Variants in RPS6KC1 observed in about 807,000 individuals in gnomAD.
The protein encoded by RPS6KC1 is ribosomal protein S6 kinase C1, also known as inactive ribosomal protein S6 kinase delta-1.
Under a neutral mutation model 103.8 loss-of-function variants are expected in RPS6KC1, and 54 were observed. The ratio of observed to expected loss-of-function variants is 0.52; its 90% CI spans 0.42 to 0.65. RPS6KC1 has a LOEUF of 0.65. Among genes scored for constraint, RPS6KC1 ranks in the 30% least tolerant of loss-of-function variants. The probability of loss-of-function intolerance (pLI) is 0.00; values close to 1 mark genes in which losing one functional copy is unlikely to be tolerated. For missense variants in RPS6KC1, 1,151 were observed against 1,253.8 expected, an observed-to-expected ratio of 0.92 and a Z score of 1.24; for synonymous variants, 439 against 438.7, an observed-to-expected ratio of 1.00 and a Z score of -0.01.
the RPS6KC1 span, among the ~76,000 whole-genome samples, chr1:213,576,520 C>G: frequency 6.6e-6 from 1 of 151,834 alleles, no homozygotes; most frequent in Admixed American, 6.6e-5. Context: ...TTATGGTGGT[C>G]TGTGATCATC....
chr1:213,129,817 G>A lies in RPS6KC1; in HGVS notation c.763G>A (p.Glu255Lys). The change falls in exon 6 of 15, where the codon GAA (glutamate) becomes AAA (lysine). Residue 255 changes from glutamate (E) to lysine (K), a missense_variant. Coordinates refer to ENST00000366960, the MANE Select transcript of RPS6KC1 (RefSeq NM_012424.6). ...AATAAAGCTGGCTTTAAAAAAGGAA[G>A]AAGAAGACGACTATGAAGCTGCTTC... Reference protein sequence around the residue: ...ELIKLALKKEEEDDYEAASDF... With the variant: ...ELIKLALKKEKEDDYEAASDF... The A allele has an allele frequency of 2.5e-6, 4 of 1,613,516 alleles. No individual in the cohort carries two copies. The highest frequency in any genetic ancestry group is 3.4e-6 in the Non-Finnish European group (4 of 1,179,872).
At chr1:213,843,258 A>C in the RPS6KC1 span, among the ~76,000 whole-genome samples, 1 of 152,204 alleles carries the variant, frequency 6.6e-6, no homozygotes, top group East Asian at 1.9e-4. Context: ...TCCAAAATAC[A>C]CCTTCACAGC....
At chr1:213,203,533 T>A (rs988116283) in intron 8 of RPS6KC1, among the ~76,000 whole-genome samples, 17 of 152,112 alleles carry the variant, frequency 1.1e-4, no homozygotes, top group Non-Finnish European at 8.8e-5. Context: ...TTTTCCTAAA[T>A]TTTTTTATTA....
At chr1:213,576,640 C>T in the RPS6KC1 span, among the ~76,000 whole-genome samples, 1 of 152,130 alleles carries the variant, frequency 6.6e-6, no homozygotes, top group Non-Finnish European at 1.5e-5. Context: ...CAGTCTCTTT[C>T]CCTCTCCTCA....
At chr1:213,534,911 G>A in the RPS6KC1 span, among the ~76,000 whole-genome samples, 6 of 152,218 alleles carry the variant, frequency 3.9e-5, no homozygotes, top group East Asian at 7.7e-4. Context: ...TGCTCTCAGC[G>A]TCACTGCCAC....
At chr1:213,430,220 T>C in the RPS6KC1 span, among the ~76,000 whole-genome samples, 1 of 152,220 alleles carries the variant, frequency 6.6e-6, no homozygotes, top group East Asian at 1.9e-4. Context: ...CTCTCGAGTC[T>C]ATCATGATTC....
the RPS6KC1 span, among the ~76,000 whole-genome samples, chr1:213,861,384 G>A: frequency 3.9e-5 from 6 of 152,050 alleles, no homozygotes; most frequent in Admixed American, 6.5e-5. Flanking sequence ...GAGAAAGCTG[G>A]GTGCGCACCC....
intron 6 of RPS6KC1, among the ~76,000 whole-genome samples, chr1:213,135,398 C>T (rs944023707): frequency 3.9e-5 from 6 of 152,024 alleles, no homozygotes; most frequent in African/African-American, 1.2e-4. Flanking sequence ...GCCTTCTATC[C>T]GTCTCTGTCT....
At chr1:213,809,507 T>G in the RPS6KC1 span, among the ~76,000 whole-genome samples, 1 of 152,124 alleles carries the variant, frequency 6.6e-6, no homozygotes, top group African/African-American at 2.4e-5. Flanking sequence ...TCGCAAACCT[T>G]AAATTGATAA....
At chr1:213,167,439 A>AACAC (rs199762137) in intron 6 of RPS6KC1, among the ~76,000 whole-genome samples, 6,644 of 75,846 alleles carry the variant, frequency 0.088, 246 homozygotes, top group East Asian at 0.16. Flanking sequence ...CAAGGTTGAA[A>AACAC]ACACACACAC....
chr1:213,149,880 C>A (rs916239881), intron 6 of RPS6KC1, among the ~76,000 whole-genome samples: 4 of 152,240 alleles, frequency 2.6e-5, no homozygotes, highest in African/African-American at 4.8e-5. Flanking sequence ...TGAATTGACC[C>A]CTTTATCATT....
At chr1:213,097,699 CT>C (rs745333052) in intron 3 of RPS6KC1, among the ~76,000 whole-genome samples, 1 of 152,210 alleles carries the variant, frequency 6.6e-6, no homozygotes, top group Non-Finnish European at 1.5e-5. Flanking sequence ...CATTAAAAAT[CT>C]GTTCTTTAGT....
chr1:213,577,657 C>G, the RPS6KC1 span, among the ~76,000 whole-genome samples: 6 of 152,160 alleles, frequency 3.9e-5, no homozygotes, highest in Admixed American at 6.5e-5. Flanking sequence ...CATTTTGCCC[C>G]TGTTCTAGAG....
the RPS6KC1 span, among the ~76,000 whole-genome samples, chr1:213,301,694 T>TTTAC: frequency 0.011 from 1,469 of 130,202 alleles, 10 homozygotes; most frequent in Non-Finnish European, 0.017. Flanking sequence ...GCAAGACCCA[T>TTTAC]TTACTTATTT....
the RPS6KC1 span, among the ~76,000 whole-genome samples, chr1:213,648,454 T>C: frequency 6.6e-6 from 1 of 152,204 alleles, no homozygotes. Flanking sequence ...ATCCAGGTGA[T>C]GACCTACCTG....
At chr1:213,798,484 G>A in the RPS6KC1 span, among the ~76,000 whole-genome samples, 10 of 152,170 alleles carry the variant, frequency 6.6e-5, no homozygotes, top group African/African-American at 2.4e-4. Flanking sequence ...GGCGGATAGG[G>A]TACTCCCCAG....
intron 8 of RPS6KC1, among the ~76,000 whole-genome samples, chr1:213,179,480 A>G (rs2092120004): frequency 6.6e-6 from 1 of 152,120 alleles, no homozygotes; most frequent in African/African-American, 2.4e-5. Context: ...TTTTAAAGAT[A>G]AGTTACTTTC....
the RPS6KC1 span, among the ~76,000 whole-genome samples, chr1:213,339,742 T>C: frequency 1.3e-5 from 2 of 152,108 alleles, no homozygotes; most frequent in South Asian, 4.1e-4. Context: ...TTAGATGTGG[T>C]ATGTGGAAGA....
chr1:213,332,595 C>A, the RPS6KC1 span, among the ~76,000 whole-genome samples: 1 of 152,166 alleles, frequency 6.6e-6, no homozygotes, highest in African/African-American at 2.4e-5. Flanking sequence ...GGGCCAGATC[C>A]TGCAGGTAGG....
Sources: allele counts gnomAD v4.1 joint callset (sites outside exome capture counted in the v4.1 genomes callset), GRCh38; gene constraint gnomAD v4.1.1; transcripts MANE v1.5; gene names NCBI Gene and HGNC (gene_info 2026-07-23, HGNC 2026-07-21).